NCAM2: variants seen among roughly 807,000 people sequenced by gnomAD.
NCAM2 encodes neural cell adhesion molecule 2.
A neutral mutation model predicts 98.1 loss-of-function variants in NCAM2; 30 were observed. The observed-to-expected ratio is 0.31, with a 90% CI of 0.23 to 0.41. NCAM2 has a LOEUF of 0.41. Among genes scored for constraint, NCAM2 ranks in the 10% least tolerant of loss-of-function variants. The pLI, the probability that NCAM2 is intolerant of heterozygous loss-of-function variation, is 1.00. For missense variants in NCAM2, 867 were observed against 1,005.8 expected, an observed-to-expected ratio of 0.86 and a Z score of 1.87; for synonymous variants, 368 against 342.4, an observed-to-expected ratio of 1.07 and a Z score of -0.83.
At chr21:21,508,250 T>G (rs1602523902) in intron 15 of NCAM2, among the ~76,000 whole-genome samples, 1 of 152,298 alleles carries the variant, frequency 6.6e-6, no homozygotes, top group Admixed American at 6.5e-5. Context: ...GTTAAAATAT[T>G]AACTGGAGAA....
intron 1 of NCAM2, among the ~76,000 whole-genome samples, chr21:21,241,309 T>TG (rs1166239111): frequency 3.5e-3 from 1 of 286 alleles, no homozygotes; most frequent in African/African-American, 0.012. Context: ...GATTTATCAA[T>TG]GAAAAAATCC....
intron 15 of NCAM2, among the ~76,000 whole-genome samples, chr21:21,496,544 T>A (rs527425698): frequency 6.6e-6 from 1 of 152,128 alleles, no homozygotes; most frequent in Non-Finnish European, 1.5e-5. Context: ...CGTGAATATT[T>A]TCCCCCGTTC....
chr21:21,003,469 A>G (rs2064056845), intron 1 of NCAM2, among the ~76,000 whole-genome samples: 1 of 152,112 alleles, frequency 6.6e-6, no homozygotes, highest in African/African-American at 2.4e-5. Context: ...TGCTCTTAGA[A>G]CCACTATTTG....
intron 1 of NCAM2, among the ~76,000 whole-genome samples, chr21:21,090,594 A>G (rs1485589076): frequency 6.6e-6 from 1 of 152,150 alleles, no homozygotes; most frequent in African/African-American, 2.4e-5. Context: ...CCCAGTGTGT[A>G]TATCTATACA....
Position 21,410,533 on chromosome 21 carries a change from A to G in NCAM2, c.1383+72A>G, listed in dbSNP as rs763728465. 24 of 771,780 alleles carry G rather than the reference A, an allele frequency of 3.1e-5. 1 individual carries two copies. Among genetic ancestry groups the G allele is most frequent in the Non-Finnish European group, 3.5e-5 (18 of 518,068 alleles). 47.8% of individuals were successfully genotyped at this position (771,780 alleles called of 1,614,324 possible). A position where few individuals can be genotyped will look rare whatever the true frequency, so the allele number is the denominator to read the frequency against. The stretch of plus-strand genomic sequence containing the variant: ...ATCTACTATTTCAGAATATATTTAA[A>G]TATCTTCATATGCATATATATATAT... On this transcript the variant is annotated intron_variant, in intron 10 of 17. Coordinates refer to ENST00000400546, the MANE Select transcript of NCAM2 (RefSeq NM_004540.5).
At position 21,229,963 on chromosome 21, in the gene NCAM2, T is replaced by G. The variant is rs73896613; in HGVS notation, c.56-50615T>G. Among the ~76,000 whole-genome samples the G allele has an allele frequency of 2.4e-3, 371 of 151,570 alleles. 2 individuals are homozygous for G. Among genetic ancestry groups the G allele is most frequent in the African/African-American group, 8.5e-3 (352 of 41,496 alleles). ...AATATCATATAACATTATTAAAATA[T>G]ATGCACAAGAACTGTTCTAACAGAT... On this transcript the variant is annotated intron_variant, in intron 1 of 17. Transcript: ENST00000400546.
chr21:21,346,532 ATCTGG>A, intron 8 of NCAM2, among the ~76,000 whole-genome samples: 1 of 152,056 alleles, frequency 6.6e-6, no homozygotes, highest in South Asian at 2.1e-4. Flanking sequence ...GATCTAATGG[ATCTGG>A]TAGATGTTTA....
rs370051963 is a variant in NCAM2 at position 21,200,538 on chromosome 21, C to T, written c.56-80040C>T. Among the ~76,000 whole-genome samples the T allele has an allele frequency of 6.5e-4, 99 of 151,894 alleles. 2 individuals carry two copies. In the South Asian group the frequency reaches 0.019, roughly 29 times the overall value. On this transcript the variant is annotated intron_variant, in intron 1 of 17. Transcript: ENST00000400546. ...GGTGGCCAGATAAAACTGTCAAATG[C>T]AATTTATAAAGCCTTAGAACTTTCT...
chr21:21,392,589 T>C (rs1373606320), intron 9 of NCAM2, among the ~76,000 whole-genome samples: 1 of 152,176 alleles, frequency 6.6e-6, no homozygotes, highest in Non-Finnish European at 1.5e-5. Flanking sequence ...TGTTCCTTTT[T>C]CTCCACAACC....
chr21:21,184,325 GAAA>G lies in NCAM2; in HGVS notation c.56-96251_56-96249del, dbSNP rs567521852. On this transcript the variant is annotated intron_variant, in intron 1 of 17. Transcript: ENST00000400546. ...GGGATTTATAAAATAAAAAAAAAAA[GAAA>G]AGAAAAAAGTAATCTTTTTATGATA... Among the ~76,000 whole-genome samples, 4 of 151,568 alleles carry G rather than the reference GAAA, an allele frequency of 2.6e-5. No homozygotes were observed. In the South Asian group the frequency reaches 8.4e-4, roughly 32 times the overall value.
intron 10 of NCAM2, 40 bp downstream of exon 10, chr21:21,410,501 A>G (rs1220480102): frequency 1.9e-5 from 22 of 1,154,612 alleles, no homozygotes; most frequent in Non-Finnish European, 2.6e-5. Flanking sequence ...GTATTATTTT[A>G]ACAACTATCT....
chr21:21,452,777 A>ATATAATATATAAT (rs1981401693), intron 12 of NCAM2, among the ~76,000 whole-genome samples: 2 of 80,604 alleles, frequency 2.5e-5, no homozygotes, highest in Non-Finnish European at 4.5e-5. Context: ...ATTAAAATAT[A>ATATAATATATAAT]GTATTACTTT....
At chr21:21,510,223 CA>C (rs1988276010) in intron 16 of NCAM2, among the ~76,000 whole-genome samples, 1 of 152,038 alleles carries the variant, frequency 6.6e-6, no homozygotes, top group Non-Finnish European at 1.5e-5. Context: ...TAAAATGCAC[CA>C]AATGTTTCAG....
At chr21:21,003,616 A>G (rs1248481907) in intron 1 of NCAM2, among the ~76,000 whole-genome samples, 1 of 152,154 alleles carries the variant, frequency 6.6e-6, no homozygotes, top group African/African-American at 2.4e-5. Context: ...CTTTGTTTAT[A>G]TTTTTTAATA....
chr21:21,529,571 C>A (rs924323297), intron 16 of NCAM2, among the ~76,000 whole-genome samples: 2 of 151,930 alleles, frequency 1.3e-5, no homozygotes, highest in Non-Finnish European at 2.9e-5. Flanking sequence ...TTTTACTCTT[C>A]CCTTTTCTAA....
chr21:21,229,173 A>G (rs1479373846), intron 1 of NCAM2, among the ~76,000 whole-genome samples: 1 of 151,484 alleles, frequency 6.6e-6, no homozygotes, highest in Non-Finnish European at 1.5e-5. Flanking sequence ...GGGGATTTTA[A>G]TTTATCAAAA....
At chr21:21,241,136 A>G (rs1010475949) in intron 1 of NCAM2, among the ~76,000 whole-genome samples, 1 of 152,156 alleles carries the variant, frequency 6.6e-6, no homozygotes, top group African/African-American at 2.4e-5. Context: ...TCAGCATACA[A>G]TAGTATATGA....
At position 21,272,502 on chromosome 21, in the gene NCAM2, G is replaced by GCGCA. The variant is rs1477342291; in HGVS notation, c.56-8073_56-8072insACGC. On this transcript the variant is annotated intron_variant, in intron 1 of 17. Coordinates refer to ENST00000400546, the MANE Select transcript of NCAM2 (RefSeq NM_004540.5). ...CACGCACACATACACACACATGCGC[G>GCGCA]CGCGCGCACACACACACACACACAC... Among the ~76,000 whole-genome samples, 55 of 55,676 alleles carry GCGCA rather than the reference G, an allele frequency of 9.9e-4. 1 individual carries two copies. Among genetic ancestry groups the GCGCA allele is most frequent in the African/African-American group, 2.6e-3 (53 of 20,370 alleles). The allele number at this position is 55,676 out of a possible 152,430, so 36.5% of individuals were successfully genotyped here.
intron 10 of NCAM2, 148 bp downstream of exon 10, chr21:21,410,609 G>T: frequency 2.3e-6 from 1 of 436,308 alleles, no homozygotes; most frequent in Admixed American, 4.5e-5. Flanking sequence ...TTTACTTAAA[G>T]GTCCATGGCT....
Sources: gnomAD v4.1 joint callset for allele counts (sites outside exome capture counted in the v4.1 genomes callset) on GRCh38, gnomAD v4.1.1 for gene constraint, MANE v1.5 for transcripts, NCBI Gene and HGNC (gene_info 2026-07-23, HGNC 2026-07-21) for gene names.